Variants in MTUS2 observed in about 807,000 individuals in gnomAD.
MTUS2 encodes microtubule associated scaffold protein 2, also known as microtubule-associated tumor suppressor candidate 2.
MTUS2 carries 40 observed loss-of-function variants against 114.1 expected under a neutral mutation model. The observed-to-expected ratio is 0.35, with a 90% CI of 0.27 to 0.46. MTUS2 has a LOEUF of 0.46. Among genes scored for constraint, MTUS2 ranks in the 20% least tolerant of loss-of-function variants. The probability of loss-of-function intolerance (pLI) is 1.00; values close to 1 mark genes in which losing one functional copy is unlikely to be tolerated. For synonymous variants in MTUS2, 688 were observed against 672.0 expected (o/e 1.02, Z -0.37); for missense variants, 1,679 against 1,705.4 (o/e 0.98, Z 0.27).
chr13:29,371,046 G>A (rs748401787), intron 8 of MTUS2, among the ~76,000 whole-genome samples: 1 of 152,150 alleles, frequency 6.6e-6, no homozygotes, highest in Non-Finnish European at 1.5e-5. Flanking sequence ...GTGCTCAGGT[G>A]ATGTTCAATT....
chr13:29,187,527 T>G (rs1894276271), intron 5 of MTUS2, among the ~76,000 whole-genome samples: 2 of 152,224 alleles, frequency 1.3e-5, no homozygotes, highest in South Asian at 2.1e-4. Flanking sequence ...GAAAACTGTT[T>G]TGAGCATTAA....
At chr13:29,116,160 G>A (rs1891077654) in intron 5 of MTUS2, among the ~76,000 whole-genome samples, 1 of 152,120 alleles carries the variant, frequency 6.6e-6, no homozygotes, top group Non-Finnish European at 1.5e-5. Context: ...GGGCTATATG[G>A]GGTTCAATTC....
intron 5 of MTUS2, among the ~76,000 whole-genome samples, chr13:29,199,681 G>A (rs1015948414): frequency 2.0e-5 from 3 of 151,994 alleles, no homozygotes; most frequent in East Asian, 1.9e-4. Context: ...CCAGGTTTTG[G>A]TATCAGGATG....
chr13:28,919,008 TTC>T (rs1337391424), intron 2 of MTUS2, among the ~76,000 whole-genome samples: 2 of 152,132 alleles, frequency 1.3e-5, no homozygotes, highest in Non-Finnish European at 2.9e-5. Flanking sequence ...TTTTTGTTGT[TTC>T]TCTTTGTGTC....
chr13:29,056,820 C>G (rs913879337), intron 4 of MTUS2, among the ~76,000 whole-genome samples: 1 of 151,820 alleles, frequency 6.6e-6, no homozygotes, highest in Non-Finnish European at 1.5e-5. Context: ...TTCAGTTCAC[C>G]TCGGATTTTG....
At chr13:29,047,770 A>G (rs866932769) in intron 4 of MTUS2, among the ~76,000 whole-genome samples, 1 of 152,130 alleles carries the variant, frequency 6.6e-6, no homozygotes, top group African/African-American at 2.4e-5. Context: ...TTGGCCTCCC[A>G]AAGTGCTGGG....
chr13:28,827,866 C>A (rs1874376874), intron 1 of MTUS2, among the ~76,000 whole-genome samples: 1 of 152,132 alleles, frequency 6.6e-6, no homozygotes, highest in African/African-American at 2.4e-5. Flanking sequence ...TATCACATGG[C>A]AAATGGAGGC....
intron 2 of MTUS2, among the ~76,000 whole-genome samples, chr13:28,890,709 T>C (rs569285796): frequency 2.6e-5 from 4 of 152,212 alleles, no homozygotes; most frequent in Non-Finnish European, 5.9e-5. Context: ...ATTTTTATGC[T>C]ACCTAAAATT....
chr13:29,286,330 A>G (rs930785578), intron 6 of MTUS2, among the ~76,000 whole-genome samples: 1 of 152,228 alleles, frequency 6.6e-6, no homozygotes, highest in Non-Finnish European at 1.5e-5. Flanking sequence ...TTCCTTCAAA[A>G]TAACCTAGGA....
intron 4 of MTUS2, among the ~76,000 whole-genome samples, chr13:29,034,542 T>G (rs926034555): frequency 6.6e-6 from 1 of 152,180 alleles, no homozygotes; most frequent in Non-Finnish European, 1.5e-5. Flanking sequence ...CCAGACTCAC[T>G]GGGCATGGGC....
intron 6 of MTUS2, among the ~76,000 whole-genome samples, chr13:29,313,892 A>G (rs1305603402): frequency 1.3e-5 from 2 of 152,180 alleles, no homozygotes; most frequent in Non-Finnish European, 2.9e-5. Flanking sequence ...TGGAAGTTAA[A>G]AGAGAAATGC....
At chr13:29,378,920 T>C (rs955249168) in intron 8 of MTUS2, among the ~76,000 whole-genome samples, 11 of 152,142 alleles carry the variant, frequency 7.2e-5, no homozygotes, top group African/African-American at 2.7e-4. Flanking sequence ...AGGGACCTCA[T>C]TGGAAGTGAT....
At chr13:28,843,611 C>A (rs1875657212) in intron 2 of MTUS2, among the ~76,000 whole-genome samples, 1 of 152,194 alleles carries the variant, frequency 6.6e-6, no homozygotes, top group Non-Finnish European at 1.5e-5. Flanking sequence ...ATGGGCAATT[C>A]TCTTAAGATG....
chr13:29,387,624 CGA>C (rs1434346010), intron 8 of MTUS2, among the ~76,000 whole-genome samples: 1 of 152,026 alleles, frequency 6.6e-6, no homozygotes, highest in African/African-American at 2.4e-5. Flanking sequence ...AGGAACAAGG[CGA>C]GAGATGATGG....
intron 5 of MTUS2, among the ~76,000 whole-genome samples, chr13:29,245,040 T>G (rs1193953493): frequency 2.0e-5 from 3 of 150,806 alleles, no homozygotes; most frequent in Non-Finnish European, 4.4e-5. Context: ...ATTGGATGTA[T>G]CATTTGTCTG....
intron 2 of MTUS2, among the ~76,000 whole-genome samples, chr13:28,967,017 A>T (rs1279457656): frequency 6.6e-6 from 1 of 152,206 alleles, no homozygotes; most frequent in East Asian, 1.9e-4. Flanking sequence ...TGGCAGTAAT[A>T]GTACTGCGAT....
chr13:29,195,983 T>C (rs1894681066), intron 5 of MTUS2, among the ~76,000 whole-genome samples: 2 of 152,244 alleles, frequency 1.3e-5, no homozygotes, highest in African/African-American at 4.8e-5. Flanking sequence ...AGTTTATGTT[T>C]TAAAGAGATC....
At chr13:29,306,731 G>T in intron 6 of MTUS2, 1 of 289,454 alleles carries the variant, frequency 3.5e-6, no homozygotes, top group South Asian at 3.0e-5. Context: ...CTGTTCGACA[G>T]ACAGCCACAT....
intron 2 of MTUS2, among the ~76,000 whole-genome samples, chr13:28,894,057 A>T (rs915325670): frequency 6.6e-6 from 1 of 151,764 alleles, no homozygotes; most frequent in Non-Finnish European, 1.5e-5. Context: ...CTGCCAGGCT[A>T]TCCCACGCTG....
Sources: gnomAD v4.1 joint callset for allele counts (sites outside exome capture counted in the v4.1 genomes callset) on GRCh38, gnomAD v4.1.1 for gene constraint, MANE v1.5 for transcripts, NCBI Gene and HGNC (gene_info 2026-07-23, HGNC 2026-07-21) for gene names.